SDK1: variants seen among roughly 807,000 people sequenced by gnomAD.
The protein encoded by SDK1 is sidekick cell adhesion molecule 1.
A neutral mutation model predicts 245.5 loss-of-function variants in SDK1; 157 were observed. The observed-to-expected ratio is 0.64, with a 90% CI of 0.56 to 0.73. The LOEUF is 0.73. Among genes scored for constraint, SDK1 ranks in the 30% least tolerant of loss-of-function variants. The probability of loss-of-function intolerance (pLI) is 0.00; values close to 1 mark genes in which losing one functional copy is unlikely to be tolerated. For synonymous variants in SDK1, 1,647 were observed against 1,278.5 expected (o/e 1.29, Z -6.15); for missense variants, 3,583 against 3,002.3 (o/e 1.19, Z -4.52).
chr7:3,488,366 T>C (rs1562517613), intron 1 of SDK1, among the ~76,000 whole-genome samples: 1 of 152,246 alleles, frequency 6.6e-6, no homozygotes, highest in African/African-American at 2.4e-5. Context: ...TTGTAATTGC[T>C]TGTTTGGCTT....
At chr7:3,701,991 A>C (rs1784755473) in intron 4 of SDK1, among the ~76,000 whole-genome samples, 1 of 151,998 alleles carries the variant, frequency 6.6e-6, no homozygotes, top group Non-Finnish European at 1.5e-5. Flanking sequence ...ATCTTTATAT[A>C]AAAATTTACT....
Position 3,310,385 on chromosome 7 carries a change from C to A in SDK1, c.298+8501C>A, listed in dbSNP as rs113568700. Among the ~76,000 whole-genome samples the A allele has an allele frequency of 4.7e-3, 722 of 152,214 alleles. 6 individuals are homozygous for A. Among genetic ancestry groups the A allele is most frequent in the African/African-American group, 0.017 (692 of 41,522 alleles). On this transcript the variant is annotated intron_variant, in intron 1 of 44. Transcript: ENST00000404826. Reference sequence around the variant, plus strand: ...TGACTGTAGATGTGTTGGACTGTAACAACAATTGAGGTGAGAGAAAGTAGC... The same window carrying A: ...TGACTGTAGATGTGTTGGACTGTAAAAACAATTGAGGTGAGAGAAAGTAGC...
chr7:4,192,012 C>G (rs1441544599), intron 35 of SDK1, among the ~76,000 whole-genome samples: 2 of 152,240 alleles, frequency 1.3e-5, no homozygotes, highest in African/African-American at 2.4e-5. Context: ...TCCAGCCACA[C>G]TCTCTTCCGA....
chr7:3,686,983 G>T (rs956875855), intron 4 of SDK1, among the ~76,000 whole-genome samples: 25 of 150,828 alleles, frequency 1.7e-4, no homozygotes, highest in Non-Finnish European at 7.4e-5. Flanking sequence ...ACTTCAACTT[G>T]ATCTGCAGCT....
intron 1 of SDK1, among the ~76,000 whole-genome samples, chr7:3,546,318 T>C (rs1315223280): frequency 1.3e-5 from 2 of 152,300 alleles, no homozygotes; most frequent in East Asian, 3.9e-4. Context: ...CTAATAACCA[T>C]ATGACAGTAG....
chr7:3,522,892 T>A (rs1782990109), intron 1 of SDK1, among the ~76,000 whole-genome samples: 1 of 152,252 alleles, frequency 6.6e-6, no homozygotes, highest in African/African-American at 2.4e-5. Flanking sequence ...GAGATCTGAT[T>A]AGTTTGTTAA....
At chr7:3,929,678 T>TA (rs1779905383) in intron 5 of SDK1, among the ~76,000 whole-genome samples, 1 of 152,242 alleles carries the variant, frequency 6.6e-6, no homozygotes, top group African/African-American at 2.4e-5. Flanking sequence ...GTCAGAGTGA[T>TA]AGGGAGTGTT....
intron 1 of SDK1, among the ~76,000 whole-genome samples, chr7:3,447,611 T>C (rs1288424171): frequency 6.6e-6 from 1 of 152,140 alleles, no homozygotes; most frequent in Non-Finnish European, 1.5e-5. Flanking sequence ...TTATTGCATA[T>C]TGATGTACAT....
At chr7:3,336,812 T>C (rs1460108872) in intron 1 of SDK1, among the ~76,000 whole-genome samples, 2 of 152,174 alleles carry the variant, frequency 1.3e-5, no homozygotes, top group Admixed American at 1.3e-4. Context: ...AGCTGAACTC[T>C]CACCCCATCT....
intron 1 of SDK1, among the ~76,000 whole-genome samples, chr7:3,470,386 A>G (rs1427023844): frequency 6.6e-6 from 1 of 152,216 alleles, no homozygotes; most frequent in African/African-American, 2.4e-5. Context: ...TAAAGATCTC[A>G]TGAACACCCT....
At chr7:3,522,182 T>A (rs962229951) in intron 1 of SDK1, among the ~76,000 whole-genome samples, 1 of 152,120 alleles carries the variant, frequency 6.6e-6, no homozygotes, top group African/African-American at 2.4e-5. Context: ...CTGGTGTTAA[T>A]CAGAATGATG....
intron 1 of SDK1, among the ~76,000 whole-genome samples, chr7:3,581,806 C>G (rs576180119): frequency 3.9e-5 from 6 of 152,228 alleles, no homozygotes; most frequent in African/African-American, 1.4e-4. Flanking sequence ...CCTCAGAATA[C>G]TATGCGGCCA....
chr7:3,353,689 A>G (rs1780718964), intron 1 of SDK1, among the ~76,000 whole-genome samples: 2 of 152,192 alleles, frequency 1.3e-5, no homozygotes, highest in African/African-American at 4.8e-5. Flanking sequence ...CCTGTCATGA[A>G]TAGAAACTAT....
intron 33 of SDK1, among the ~76,000 whole-genome samples, 158 bp downstream of exon 33, chr7:4,174,515 G>C (rs546240380): frequency 6.6e-6 from 1 of 152,310 alleles, no homozygotes; most frequent in East Asian, 1.9e-4. Flanking sequence ...TTACCCACCA[G>C]GGGCACACAG....
intron 1 of SDK1, among the ~76,000 whole-genome samples, chr7:3,455,271 G>A (rs990802415): frequency 1.1e-4 from 16 of 151,622 alleles, no homozygotes; most frequent in African/African-American, 3.9e-4. Context: ...TTTTCACAAA[G>A]CAAAATTTTA....
At chr7:4,171,547 G>C (rs367993637) in intron 32 of SDK1, among the ~76,000 whole-genome samples, 3 of 152,230 alleles carry the variant, frequency 2.0e-5, no homozygotes, top group Non-Finnish European at 2.9e-5. Flanking sequence ...TGGTTCGGCG[G>C]TTCTGGCCTG....
At chr7:3,937,899 G>A (rs561666442) in intron 5 of SDK1, among the ~76,000 whole-genome samples, 6 of 152,122 alleles carry the variant, frequency 3.9e-5, no homozygotes, top group South Asian at 2.1e-4. Flanking sequence ...GTGCAGTGAC[G>A]TAATCTCGGC....
At chr7:3,597,548 CTTA>C (rs1250371901) in intron 1 of SDK1, among the ~76,000 whole-genome samples, 6 of 152,112 alleles carry the variant, frequency 3.9e-5, no homozygotes, top group African/African-American at 1.2e-4. Flanking sequence ...AGAGAACTTC[CTTA>C]TTATGCTGGA....
chr7:3,852,973 C>T (rs532716933), intron 5 of SDK1, among the ~76,000 whole-genome samples: 129 of 151,986 alleles, frequency 8.5e-4, no homozygotes, highest in African/African-American at 2.9e-3. Flanking sequence ...GTTTTCCTAC[C>T]TGACCGTGTG....
Sources: gnomAD v4.1 joint callset for allele counts (sites outside exome capture counted in the v4.1 genomes callset) on GRCh38, gnomAD v4.1.1 for gene constraint, MANE v1.5 for transcripts, NCBI Gene and HGNC (gene_info 2026-07-23, HGNC 2026-07-21) for gene names.